Variants in LINGO2 observed in about 807,000 individuals in gnomAD.
LINGO2 encodes leucine rich repeat and Ig domain containing 2.
Under a neutral mutation model 30.6 loss-of-function variants are expected in LINGO2, and 14 were observed. The observed-to-expected ratio is 0.46, with a 90% CI of 0.30 to 0.72. LINGO2 has a LOEUF of 0.72. Ranked by LOEUF, LINGO2 falls within the 30% of genes least tolerant of loss-of-function variation. The pLI, the probability that LINGO2 is intolerant of heterozygous loss-of-function variation, is 0.07. For synonymous variants in LINGO2, 317 were observed against 288.5 expected (o/e 1.10, Z -1.00); for missense variants, 729 against 751.7 (o/e 0.97, Z 0.35).
chr9:28,173,966 T>C (rs1296813756), intron 4 of LINGO2, among the ~76,000 whole-genome samples: 1 of 152,140 alleles, frequency 6.6e-6, no homozygotes, highest in Admixed American at 6.5e-5. Flanking sequence ...CCAAGCTCAG[T>C]GAGGTTATAT....
chr9:28,770,457 A>G, the LINGO2 span, among the ~76,000 whole-genome samples: 4 of 152,108 alleles, frequency 2.6e-5, no homozygotes, highest in Non-Finnish European at 5.9e-5. Flanking sequence ...ACTCTGCTGT[A>G]AATGTTGTCT....
At chr9:28,498,195 G>C (rs1481994044) in intron 1 of LINGO2, among the ~76,000 whole-genome samples, 3 of 152,118 alleles carry the variant, frequency 2.0e-5, no homozygotes. Flanking sequence ...TGTCAGACAG[G>C]GACATTTAAG....
exon 6 of LINGO2, chr9:27,950,168 T>C (rs1263738143): frequency 6.2e-7 from 1 of 1,614,084 alleles, no homozygotes. Context: ...CCCTGTGTGA[T>C]ATATAAACCA....
intron 4 of LINGO2, among the ~76,000 whole-genome samples, chr9:28,218,617 T>C (rs1172532451): frequency 6.6e-6 from 1 of 152,068 alleles, no homozygotes; most frequent in African/African-American, 2.4e-5. Flanking sequence ...GGACTTTGAG[T>C]GGAGAACATG....
At chr9:28,029,404 T>G (rs1823550085) in intron 4 of LINGO2, among the ~76,000 whole-genome samples, 1 of 152,182 alleles carries the variant, frequency 6.6e-6, no homozygotes, top group Non-Finnish European at 1.5e-5. Flanking sequence ...GGCAGGGTAC[T>G]TCTCAGAGCT....
chr9:28,650,634 C>T (rs1161781546), intron 1 of LINGO2, among the ~76,000 whole-genome samples: 1 of 152,170 alleles, frequency 6.6e-6, no homozygotes, highest in Non-Finnish European at 1.5e-5. Context: ...TTCCTGCTGA[C>T]ATTTCTATTT....
chr9:28,470,558 A>C (rs1587717339), intron 2 of LINGO2, among the ~76,000 whole-genome samples: 1 of 152,274 alleles, frequency 6.6e-6, no homozygotes, highest in East Asian at 1.9e-4. Flanking sequence ...GATCATTTTC[A>C]TGCCTGTTGC....
At chr9:28,489,122 C>A (rs576515554) in intron 1 of LINGO2, among the ~76,000 whole-genome samples, 44 of 152,306 alleles carry the variant, frequency 2.9e-4, no homozygotes, top group African/African-American at 9.9e-4. Flanking sequence ...CACTTCTCTA[C>A]ATTCTGGCAT....
intron 1 of LINGO2, among the ~76,000 whole-genome samples, chr9:28,638,625 C>A (rs1004520184): frequency 3.3e-5 from 5 of 152,068 alleles, no homozygotes; most frequent in Non-Finnish European, 7.4e-5. Flanking sequence ...TTATAGTATT[C>A]TCTGATGGTA....
intron 5 of LINGO2, among the ~76,000 whole-genome samples, chr9:27,962,824 A>G (rs7048437): frequency 0.065 from 9,893 of 152,214 alleles, 902 homozygotes; most frequent in African/African-American, 0.19. Flanking sequence ...GCAGGAAGCT[A>G]AAATCTATAG....
chr9:28,170,923 C>G (rs1161818611), intron 4 of LINGO2, among the ~76,000 whole-genome samples: 2 of 152,182 alleles, frequency 1.3e-5, no homozygotes, highest in Non-Finnish European at 2.9e-5. Flanking sequence ...GTTACATAAG[C>G]TAACATATTT....
exon 6 of LINGO2, chr9:27,950,657 GGCC>G: frequency 2.6e-6 from 4 of 1,509,964 alleles, no homozygotes; most frequent in Admixed American, 2.3e-5. Context: ...AGCATGATAT[GGCC>G]GTGTGAAGCA....
chr9:28,463,237 G>A (rs985040982), intron 2 of LINGO2, among the ~76,000 whole-genome samples: 3 of 151,932 alleles, frequency 2.0e-5, no homozygotes, highest in Non-Finnish European at 2.9e-5. Context: ...AAATGACATT[G>A]TATAGGAGAG....
rs527406120 is a variant in LINGO2 at position 28,466,878 on chromosome 9, T to C, written c.-279+9062A>G. 5.3e-5 allele frequency among the ~76,000 whole-genome samples: 8 copies of C among 152,312 alleles called. No homozygotes were observed. The East Asian group carries it at 1.2e-3, about 22-fold the overall frequency. Reference sequence around the variant, plus strand: ...CTATCTCTGTATCACATGCATATTGTTGAACTTTAGAAATGGTGTTACAAA... The same window carrying C: ...CTATCTCTGTATCACATGCATATTGCTGAACTTTAGAAATGGTGTTACAAA... On this transcript the variant is annotated intron_variant, in intron 2 of 5. Transcript: ENST00000379992.
the LINGO2 span, among the ~76,000 whole-genome samples, chr9:29,146,299 G>A: frequency 2.6e-5 from 4 of 152,116 alleles, no homozygotes; most frequent in East Asian, 3.9e-4. Flanking sequence ...ACGTTGCAGT[G>A]AGTCGAGATC....
rs771448247 is a variant in LINGO2, at chr9:28,613,382, A to ATGTG, written c.-365+56814_-365+56817dup. ...AATAGTAGAATATGTGTATATACGT[A>ATGTG]TGTGTGTGTGTGTGTATATAGCTAC... On this transcript the variant is annotated intron_variant, in intron 1 of 5. Coordinates refer to ENST00000379992, the Ensembl canonical transcript of LINGO2. Among the ~76,000 whole-genome samples the ATGTG allele has an allele frequency of 1.3e-4, 19 of 147,860 alleles. 1 individual carries two copies. The highest frequency in any genetic ancestry group is 2.2e-4 in the Non-Finnish European group (15 of 67,640).
intron 3 of LINGO2, among the ~76,000 whole-genome samples, chr9:28,314,897 A>G (rs2134272593): frequency 6.7e-6 from 1 of 150,128 alleles, no homozygotes; most frequent in South Asian, 2.1e-4. Context: ...AGGCAGGAGA[A>G]TGGCGTGAAC....
intron 4 of LINGO2, among the ~76,000 whole-genome samples, chr9:28,202,295 C>T (rs766202219): frequency 6.6e-6 from 1 of 152,124 alleles, no homozygotes; most frequent in Non-Finnish European, 1.5e-5. Flanking sequence ...CCATAACCCT[C>T]TCTTTGAAAG....
At chr9:28,530,242 A>G (rs1461024283) in intron 1 of LINGO2, among the ~76,000 whole-genome samples, 1 of 152,070 alleles carries the variant, frequency 6.6e-6, no homozygotes, top group Non-Finnish European at 1.5e-5. Flanking sequence ...GATGATGACA[A>G]CGAAGATAAT....
Sources: allele counts gnomAD v4.1 joint callset (sites outside exome capture counted in the v4.1 genomes callset), GRCh38; gene constraint gnomAD v4.1.1; transcripts MANE v1.5; gene names NCBI Gene and HGNC (gene_info 2026-07-23, HGNC 2026-07-21).